The following UNC13B variants were observed in gnomAD, a reference collection of about 807,000 sequenced individuals.
UNC13B encodes unc-13 homolog B.
In UNC13B, 144 loss-of-function variants were observed where a neutral mutation model predicts 211.0. The observed-to-expected ratio is 0.68, with a 90% CI of 0.60 to 0.78. UNC13B has a LOEUF of 0.78. Among genes scored for constraint, UNC13B ranks in the 30% least tolerant of loss-of-function variants. UNC13B has a pLI of 0.00. For synonymous variants in UNC13B, 709 were observed against 725.8 expected (o/e 0.98, Z 0.37); for missense variants, 1,777 against 2,002.0 (o/e 0.89, Z 2.14).
chr9:35,379,217 G>A (rs1004335873), intron 17 of UNC13B, among the ~76,000 whole-genome samples: 2 of 152,166 alleles, frequency 1.3e-5, no homozygotes, highest in African/African-American at 2.4e-5. Context: ...GGAGGCTGAG[G>A]CAGGCAGATC....
intron 8 of UNC13B, among the ~76,000 whole-genome samples, chr9:35,297,547 C>CTTT (rs774525517): frequency 2.3e-4 from 23 of 100,854 alleles, no homozygotes; most frequent in African/African-American, 6.1e-4. Context: ...CATACTTTGT[C>CTTT]TTTTTTTTTT....
At position 35,377,324 on chromosome 9, in the gene UNC13B, A is replaced by G. The variant is rs1169342049; in HGVS notation, c.9836-144A>G. ...TGAAGGGGTGGCAAGTGCAGGTGCC[A>G]GAGGGCCCTTGCTTAATTGCTGAGA... On this transcript the variant is annotated intron_variant, in intron 15 of 39. Transcript: ENST00000635942. 3.1e-5 allele frequency: 24 copies of G among 767,126 alleles called. No homozygotes were observed. In the Admixed American group the frequency reaches 6.3e-4, roughly 20 times the overall value. The allele number at this position is 767,126 out of a possible 1,614,324, so 47.5% of individuals were successfully genotyped here. A position where few individuals can be genotyped will look rare whatever the true frequency, so the allele number is the denominator to read the frequency against.
intron 26 of UNC13B, among the ~76,000 whole-genome samples, chr9:35,394,366 C>T (rs1023155598): frequency 1.6e-4 from 25 of 152,104 alleles, no homozygotes; most frequent in Admixed American, 5.2e-4. Context: ...GGGCCTGAGG[C>T]GGGTGGATCA....
Position 35,310,781 on chromosome 9 carries a change from G to A in UNC13B, c.9323G>A (p.Ser3108Asn), listed in dbSNP as rs1431170679. ...QKDHFLGPQE[S>N]FPEENASSPF... ...GACCACTTCCTAGGTCCCCAGGAGA[G>A]GTAGGCAACAGCTGCCTTGAGGAGC... The change falls in exon 10 of 40, where the codon AGT becomes AAT. Residue 3108 changes from serine to asparagine, a missense_variant and splice_region_variant. Ser to Asn is a conservative substitution (Grantham distance 46, BLOSUM62 1). Coordinates refer to ENST00000635942, the MANE Select transcript of UNC13B (RefSeq NM_001371189.2). 1 of 1,612,308 alleles carries A rather than the reference G, an allele frequency of 6.2e-7. No homozygotes were observed. The highest frequency in any genetic ancestry group is 8.5e-7 in the Non-Finnish European group (1 of 1,179,068).
chr9:35,370,482 G>T, intron 13 of UNC13B, 86 bp downstream of exon 13: 1 of 1,311,180 alleles, frequency 7.6e-7, no homozygotes, highest in South Asian at 1.3e-5. Context: ...ATTGGAAGTC[G>T]TCCATTTAAT....
intron 11 of UNC13B, among the ~76,000 whole-genome samples, chr9:35,319,886 C>A (rs144462521): frequency 0.029 from 4,459 of 152,174 alleles, 220 homozygotes; most frequent in African/African-American, 0.1. Flanking sequence ...GTCTTGAACT[C>A]CTGGCCTCAA....
At chr9:35,345,631 C>T (rs114510643) in intron 11 of UNC13B, among the ~76,000 whole-genome samples, 1,562 of 152,240 alleles carry the variant, frequency 0.01, 25 homozygotes, top group African/African-American at 0.035. Flanking sequence ...CTCAGAGGAG[C>T]CTGACTTATG....
intron 24 of UNC13B, among the ~76,000 whole-genome samples, chr9:35,386,637 A>G (rs4143933): frequency 0.17 from 25,168 of 152,000 alleles, 3,161 homozygotes; most frequent in African/African-American, 0.34. Context: ...TGACTCTTGC[A>G]GACTCTTGTA....
intron 1 of UNC13B, among the ~76,000 whole-genome samples, chr9:35,170,264 C>T (rs909067913): frequency 5.9e-5 from 9 of 151,928 alleles, no homozygotes; most frequent in African/African-American, 2.2e-4. Context: ...CTCCCAGGTT[C>T]AAGCGATTCT....
At position 35,295,772 on chromosome 9, in the gene UNC13B, T is replaced by A; in HGVS notation, c.603T>A (p.Pro201=). ...GTGAGACCAGCAACAGCTTCCCACC[T>A]CCTTACCATACAGCTTCCCAGCCCA... ...YRSETSNSFP[P]PYHTASQPNA... is the part of the protein sequence containing the mutation. The change falls in exon 8 of 40, where the codon CCT becomes CCA. Residue 201 remains proline (P), a synonymous_variant. Transcript: ENST00000635942. The A allele has an allele frequency of 6.2e-7, 1 of 1,613,994 alleles. No individual in the cohort carries two copies. The highest frequency in any genetic ancestry group is 1.1e-5 in the South Asian group (1 of 91,032).
chr9:35,284,912 A>G (rs1052842499), intron 7 of UNC13B, among the ~76,000 whole-genome samples: 2 of 152,196 alleles, frequency 1.3e-5, no homozygotes, highest in African/African-American at 4.8e-5. Context: ...TGGACTACTA[A>G]TGGGTGGTGT....
chr9:35,197,201 A>G (rs762056882), intron 1 of UNC13B, among the ~76,000 whole-genome samples: 5 of 152,030 alleles, frequency 3.3e-5, no homozygotes, highest in Non-Finnish European at 7.4e-5. Context: ...TTAAATATTT[A>G]ATGTTTTCCT....
Position 35,237,837 on chromosome 9 carries a change from T to A in UNC13B, c.394+11T>A. ...TTGAGTTGCCTTTTGGTGAGTAAAA[T>A]TTTAAAACTATTTAATAATTTTTAC... On this transcript the variant is annotated intron_variant, in intron 5 of 39. Coordinates refer to ENST00000635942, the MANE Select transcript of UNC13B (RefSeq NM_001371189.2). The A allele has an allele frequency of 5.6e-6, 9 of 1,594,628 alleles. No homozygotes were observed. The highest frequency in any genetic ancestry group is 7.7e-6 in the Non-Finnish European group (9 of 1,174,188).
intron 7 of UNC13B, among the ~76,000 whole-genome samples, chr9:35,274,377 A>G (rs1828056922): frequency 1.3e-5 from 2 of 152,108 alleles, no homozygotes; most frequent in Admixed American, 1.3e-4. Flanking sequence ...CCAGTCAAGA[A>G]TTTGCATGTC....
At chr9:35,246,486 C>T (rs545495505) in intron 6 of UNC13B, among the ~76,000 whole-genome samples, 306 of 152,198 alleles carry the variant, frequency 2.0e-3, no homozygotes, top group Non-Finnish European at 3.4e-3. Flanking sequence ...GATTTTAGGT[C>T]TAACATTTAA....
chr9:35,385,358 G>C, intron 22 of UNC13B: 1 of 985,326 alleles, frequency 1.0e-6, no homozygotes, highest in East Asian at 1.1e-4. Flanking sequence ...CAGTTAGATT[G>C]TAATTTTCGA....
chr9:35,359,358 G>A (rs1833243823), intron 11 of UNC13B, among the ~76,000 whole-genome samples: 1 of 152,008 alleles, frequency 6.6e-6, no homozygotes, highest in Admixed American at 6.6e-5. Context: ...AGCATCCTGG[G>A]ATTCAATCTT....
At position 35,310,498 on chromosome 9, in the gene UNC13B, T is replaced by C. The variant is rs758018868; in HGVS notation, c.9040T>C (p.Cys3014Arg). The C allele has an allele frequency of 1.9e-6, 3 of 1,613,960 alleles. No homozygotes were observed. The highest frequency in any genetic ancestry group is 1.1e-5 in the South Asian group (1 of 91,078). Reference protein sequence around the residue: ...PTSSSRYGSSCNVSQGSSQLS... With the variant: ...PTSSSRYGSSRNVSQGSSQLS... ...CAGCAGCAGTAGGTATGGCTCCTCC[T>C]GTAATGTGAGTCAAGGAAGCTCTCA... The change falls in exon 10 of 40, where the codon TGT becomes CGT. Residue 3014 changes from cysteine (C) to arginine (R), a missense_variant. Cys to Arg is a radical substitution (Grantham distance 180). Coordinates refer to ENST00000635942, the MANE Select transcript of UNC13B (RefSeq NM_001371189.2).
chr9:35,224,768 G>T (rs772676591), intron 1 of UNC13B, among the ~76,000 whole-genome samples: 1 of 152,066 alleles, frequency 6.6e-6, no homozygotes, highest in Non-Finnish European at 1.5e-5. Flanking sequence ...AAACACAGAT[G>T]CAAAAATCGT....
Sources: gnomAD v4.1 joint callset for allele counts (sites outside exome capture counted in the v4.1 genomes callset) on GRCh38, gnomAD v4.1.1 for gene constraint, MANE v1.5 for transcripts, NCBI Gene and HGNC (gene_info 2026-07-23, HGNC 2026-07-21) for gene names.